PPP1R9A: variants seen among roughly 807,000 people sequenced by gnomAD.
PPP1R9A encodes neurabin-1.
Under a neutral mutation model 141.9 loss-of-function variants are expected in PPP1R9A, and 59 were observed. That is an observed-to-expected ratio of 0.42 (90% CI 0.34 to 0.52). The LOEUF (loss-of-function observed/expected upper bound fraction) is 0.52. PPP1R9A is among the 20% of genes least tolerant of loss of function. The pLI is 0.10. For missense variants in PPP1R9A, 1,444 were observed against 1,611.9 expected (o/e 0.90, Z 1.78); for synonymous variants, 500 against 569.7 (o/e 0.88, Z 1.74).
chr7:94,997,766 C>A (rs1046231995), intron 2 of PPP1R9A, among the ~76,000 whole-genome samples: 2 of 152,162 alleles, frequency 1.3e-5, no homozygotes, highest in Admixed American at 1.3e-4. Context: ...AAGCTCTGAG[C>A]TCACTAGTAC....
At chr7:95,261,698 T>G (rs1800456128) in intron 12 of PPP1R9A, among the ~76,000 whole-genome samples, 1 of 152,180 alleles carries the variant, frequency 6.6e-6, no homozygotes, top group Non-Finnish European at 1.5e-5. Flanking sequence ...ACAAACTATT[T>G]CCAAGCTTAA....
At chr7:94,974,795 TA>T (rs1799248389) in intron 2 of PPP1R9A, among the ~76,000 whole-genome samples, 1 of 152,134 alleles carries the variant, frequency 6.6e-6, no homozygotes, top group Admixed American at 6.6e-5. Flanking sequence ...AGAGGCACAT[TA>T]AAATAACTCA....
intron 2 of PPP1R9A, among the ~76,000 whole-genome samples, chr7:95,024,612 T>TG (rs1475278263): frequency 6.6e-6 from 1 of 152,166 alleles, no homozygotes; most frequent in Non-Finnish European, 1.5e-5. Context: ...GCTTTTTTTT[T>TG]GTTTTCCATT....
chr7:94,976,757 T>A (rs1296587938), intron 2 of PPP1R9A, among the ~76,000 whole-genome samples: 6 of 152,200 alleles, frequency 3.9e-5, no homozygotes, highest in African/African-American at 2.4e-5. Context: ...TTATTTTGAA[T>A]GGAATCAAGG....
At chr7:94,984,100 T>A (rs186398426) in intron 2 of PPP1R9A, among the ~76,000 whole-genome samples, 48 of 152,334 alleles carry the variant, frequency 3.2e-4, no homozygotes, top group African/African-American at 9.9e-4. Context: ...ATGTGGTTTT[T>A]GTCTTTGGTT....
chr7:95,148,405 A>G (rs989362710), intron 4 of PPP1R9A, among the ~76,000 whole-genome samples: 1 of 152,186 alleles, frequency 6.6e-6, no homozygotes, highest in African/African-American at 2.4e-5. Context: ...AAAGGACAAT[A>G]AAAGAATATT....
intron 5 of PPP1R9A, among the ~76,000 whole-genome samples, chr7:95,170,915 T>G (rs1429481819): frequency 6.6e-6 from 1 of 151,570 alleles, no homozygotes; most frequent in Admixed American, 6.6e-5. Context: ...GAAGTAAAAT[T>G]TAGAACAATA....
In PPP1R9A at chr7:95,050,355, T is replaced by A. The variant is rs1810623797; in HGVS notation, c.1396-60904T>A. Among the ~76,000 whole-genome samples, 3 of 152,208 alleles carry A rather than the reference T, an allele frequency of 2.0e-5. No homozygotes were observed. In the South Asian group the frequency reaches 6.2e-4, roughly 31 times the overall value. The stretch of plus-strand genomic sequence containing the variant: ...TGGCTTTTAAGAATTTTTAAATTAC[T>A]TTAGATAATACTCCTTTATCTGATA... On this transcript the variant is annotated intron_variant, in intron 2 of 19. Transcript: ENST00000433360.
chr7:94,940,795 CTTATT>C (rs762443047), intron 2 of PPP1R9A, among the ~76,000 whole-genome samples: 34 of 152,020 alleles, frequency 2.2e-4, no homozygotes, highest in African/African-American at 7.5e-4. Context: ...TGGAAACAAT[CTTATT>C]TTATTTTTTA....
intron 2 of PPP1R9A, among the ~76,000 whole-genome samples, chr7:94,988,424 G>GT (rs960467956): frequency 4.2e-4 from 64 of 151,928 alleles, no homozygotes; most frequent in African/African-American, 9.6e-4. Context: ...AGTTTAGTAA[G>GT]TTTTTTTTGT....
intron 2 of PPP1R9A, among the ~76,000 whole-genome samples, chr7:94,914,920 A>C (rs1791884721): frequency 6.6e-6 from 1 of 152,156 alleles, no homozygotes; most frequent in Admixed American, 6.5e-5. Context: ...CTGTGCTTTG[A>C]TGATCTTTCT....
Position 95,220,938 on chromosome 7 carries a change from A to G in PPP1R9A, c.1957-5023A>G, listed in dbSNP as rs993047457. ...GGAAGTTTTCTTGGGCTTGGGTAGA[A>G]GCTGGTGCCTACCCCAAACTGGGAA... is the stretch of plus-strand genomic sequence containing the variant. On this transcript the variant is annotated intron_variant, in intron 7 of 19. Coordinates refer to ENST00000433360, the MANE Select transcript of PPP1R9A (RefSeq NM_001166160.2). Among the ~76,000 whole-genome samples, 7 of 152,068 alleles carry G rather than the reference A, an allele frequency of 4.6e-5. 1 individual carries two copies. The highest frequency in any genetic ancestry group is 1.3e-4 in the Admixed American group (2 of 15,226).
At chr7:95,283,564 A>G (rs976898944) in intron 16 of PPP1R9A, among the ~76,000 whole-genome samples, 4 of 152,164 alleles carry the variant, frequency 2.6e-5, no homozygotes, top group African/African-American at 9.7e-5. Context: ...TTTCAAAATT[A>G]TTTAAATATA....
At chr7:95,180,101 A>G (rs1480497255) in intron 5 of PPP1R9A, among the ~76,000 whole-genome samples, 1 of 152,230 alleles carries the variant, frequency 6.6e-6, no homozygotes, top group African/African-American at 2.4e-5. Flanking sequence ...ATCTGGAGCC[A>G]TCACATTACC....
At chr7:95,179,771 A>G (rs1488696580) in intron 5 of PPP1R9A, among the ~76,000 whole-genome samples, 1 of 117,502 alleles carries the variant, frequency 8.5e-6, no homozygotes, top group Non-Finnish European at 1.7e-5. Context: ...CCCTTTTACA[A>G]TAGCTGCAAA....
intron 5 of PPP1R9A, among the ~76,000 whole-genome samples, chr7:95,163,259 GT>G (rs1198226037): frequency 2.6e-5 from 4 of 152,148 alleles, no homozygotes; most frequent in Non-Finnish European, 5.9e-5. Context: ...GTAATCTTGT[GT>G]TATTATTTTC....
At position 95,293,554 on chromosome 7, in the gene PPP1R9A, A is replaced by C. The variant is rs1806652764; in HGVS notation, c.*3251A>C. 1 of 152,202 alleles carries C rather than the reference A, an allele frequency of 6.6e-6. No individual in the cohort carries two copies. The highest frequency in any genetic ancestry group is 2.4e-5 in the African/African-American group (1 of 41,450). 9.4% of individuals were successfully genotyped at this position (152,202 alleles called of 1,614,324 possible). A position where few individuals can be genotyped will look rare whatever the true frequency, so the allele number is the denominator to read the frequency against. On this transcript the variant is annotated 3_prime_UTR_variant, in exon 20 of 20. Coordinates refer to ENST00000433360, the MANE Select transcript of PPP1R9A (RefSeq NM_001166160.2). Reference sequence around the variant, plus strand: ...CAGCTTTCAACTGGCACAAAATGGGACTGTCACCTTTTGCTCCATTGTTGT... The same window carrying C: ...CAGCTTTCAACTGGCACAAAATGGGCCTGTCACCTTTTGCTCCATTGTTGT...
intron 13 of PPP1R9A, 32 bp downstream of exon 13, chr7:95,268,739 C>T (rs776097406): frequency 1.9e-6 from 3 of 1,604,292 alleles, no homozygotes; most frequent in East Asian, 2.2e-5. Context: ...CTGATTTGTA[C>T]TGTTGGAGTA....
intron 2 of PPP1R9A, among the ~76,000 whole-genome samples, chr7:94,967,923 G>T (rs940437933): frequency 3.3e-5 from 5 of 152,246 alleles, no homozygotes; most frequent in African/African-American, 1.2e-4. Flanking sequence ...ATGCCTATTA[G>T]GTCAACTTGG....
Sources: gnomAD v4.1 joint callset for allele counts (sites outside exome capture counted in the v4.1 genomes callset) on GRCh38, gnomAD v4.1.1 for gene constraint, MANE v1.5 for transcripts, NCBI Gene and HGNC (gene_info 2026-07-23, HGNC 2026-07-21) for gene names.